Variants in MOK observed in about 807,000 individuals in gnomAD.
MOK encodes the protein MOK protein kinase.
A neutral mutation model predicts 54.2 loss-of-function variants in MOK; 59 were observed. That is an observed-to-expected ratio of 1.09 (90% CI 0.88 to 1.35). MOK has a LOEUF of 1.35. Among genes scored for constraint, MOK ranks in the 40% most tolerant of loss-of-function variants. The pLI, the probability that MOK is intolerant of heterozygous loss-of-function variation, is 0.00. For synonymous variants in MOK, 210 were observed against 202.7 expected, an observed-to-expected ratio of 1.04 and a Z score of -0.31; for missense variants, 517 against 526.2, an observed-to-expected ratio of 0.98 and a Z score of 0.17.
At chr14:102,288,572 G>C (rs1013261067) in intron 1 of MOK, among the ~76,000 whole-genome samples, 2 of 152,142 alleles carry the variant, frequency 1.3e-5, no homozygotes, top group Non-Finnish European at 2.9e-5. Context: ...ATTTCTTTTG[G>C]GGTACAGGTT....
At position 102,283,471 on chromosome 14, in the gene MOK, A is replaced by G. The variant is rs775102705; in HGVS notation, c.122+7T>C. On this transcript the variant is annotated splice_region_variant and intron_variant, in intron 2 of 11. Transcript: ENST00000361847. The stretch of plus-strand genomic sequence containing the variant: ...TGTTTGGTCCCAAGTGCATCTCTGT[A>G]GCCTACCTTTCAAAGCGCTGCTTCA... The G allele has an allele frequency of 6.9e-6, 11 of 1,598,768 alleles. No homozygotes were observed. The highest frequency in any genetic ancestry group is 1.1e-5 in the South Asian group (1 of 89,544).
chr14:102,300,895 T>G (rs1433384038), intron 1 of MOK, among the ~76,000 whole-genome samples: 1 of 151,776 alleles, frequency 6.6e-6, no homozygotes, highest in Non-Finnish European at 1.5e-5. Context: ...TCAGGAGTTC[T>G]TGACCAGCCT....
chr14:102,277,013 CTTTTTTT>C (rs550427492), intron 2 of MOK, among the ~76,000 whole-genome samples: 1 of 99,958 alleles, frequency 1.0e-5, no homozygotes, highest in South Asian at 3.3e-4. Context: ...ATGCCCTGGT[CTTTTTTT>C]TTTTTTTTTT....
intron 2 of MOK, among the ~76,000 whole-genome samples, chr14:102,273,933 T>G (rs985161372): frequency 1.3e-5 from 2 of 152,070 alleles, no homozygotes; most frequent in Non-Finnish European, 2.9e-5. Context: ...TACAATCCTA[T>G]TCATAATCTC....
At chr14:102,294,445 CAAAAAA>C (rs540805039) in intron 1 of MOK, among the ~76,000 whole-genome samples, 3 of 64,054 alleles carry the variant, frequency 4.7e-5, no homozygotes, top group Admixed American at 3.8e-4. Context: ...GACTCCGTCT[CAAAAAA>C]AAAAAAAAAA....
Position 102,240,863 on chromosome 14 carries a change from T to C in MOK, c.591-7074A>G, listed in dbSNP as rs1189090136. ...TTCTCTGGGCTTGCCTGCTTCACTA[T>C]GGGCAACCTTCCACCCTCCATTCCC... On this transcript the variant is annotated intron_variant, in intron 7 of 11. Transcript: ENST00000361847. This position sits in a 1 kb window ranked among gnomAD's most constrained non-coding sequence, Gnocchi z 5.4. 6.6e-6 allele frequency among the ~76,000 whole-genome samples: 1 copy of C among 152,186 alleles called. No individual in the cohort carries two copies. Among genetic ancestry groups the C allele is most frequent in the African/African-American group, 2.4e-5 (1 of 41,446 alleles).
chr14:102,260,817 T>C (rs897038721), intron 4 of MOK: 1 of 152,092 alleles, frequency 6.6e-6, no homozygotes, highest in African/African-American at 2.4e-5. Flanking sequence ...TATAAATGTA[T>C]CCTAAAAATA....
chr14:102,285,461 C>T (rs997300452), intron 1 of MOK, among the ~76,000 whole-genome samples: 4 of 152,164 alleles, frequency 2.6e-5, no homozygotes, highest in Non-Finnish European at 5.9e-5. Context: ...TGTCTGAATT[C>T]TGATTTGAAC....
chr14:102,226,001 G>A (rs559910293), downstream of MOK: 38 of 386,632 alleles, frequency 9.8e-5, no homozygotes, highest in Non-Finnish European at 1.5e-4. The surrounding 1 kb of genome is among the most constrained non-coding windows in gnomAD (Gnocchi z 4.8). Flanking sequence ...GGCCGTGCCA[G>A]GGGTGGGTCT....
intron 2 of MOK, among the ~76,000 whole-genome samples, chr14:102,280,137 C>A (rs1025214654): frequency 1.3e-5 from 2 of 151,904 alleles, no homozygotes; most frequent in Non-Finnish European, 2.9e-5. Flanking sequence ...TGGTGAGGTA[C>A]ATCCTGGATC....
chr14:102,216,294 C>A, the MOK span, among the ~76,000 whole-genome samples: 1 of 152,208 alleles, frequency 6.6e-6, no homozygotes, highest in Non-Finnish European at 1.5e-5. Context: ...GGGCTCTGTT[C>A]TTAGCACTGA....
At chr14:102,304,681 C>T (rs996498606) in intron 1 of MOK, among the ~76,000 whole-genome samples, 23 of 152,232 alleles carry the variant, frequency 1.5e-4, no homozygotes, top group Non-Finnish European at 3.4e-4. Flanking sequence ...GAACCACGCA[C>T]CTGCACCAAA....
chr14:102,304,999 G>A lies in MOK; in HGVS notation c.-31C>T. 1 of 1,607,152 alleles carries A rather than the reference G, an allele frequency of 6.2e-7. No homozygotes were observed. The highest frequency in any genetic ancestry group is 2.2e-5 in the East Asian group (1 of 44,644). On this transcript the variant is annotated 5_prime_UTR_variant, in exon 1 of 12. Coordinates refer to ENST00000361847, the MANE Select transcript of MOK (RefSeq NM_014226.3). ...ATGCGGAAGCCGGTGACAACCCCTT[G>A]CCGACACTGGACGGAAAAGAAAGAA...
Position 102,261,458 on chromosome 14 carries a change from T to A in MOK, c.283+2088A>T, listed in dbSNP as rs1597417447. The stretch of plus-strand genomic sequence containing the variant: ...ATATATATATATATATATATATATA[T>A]TCTAAACAAAGCTTTCTCAAGCGTC... On this transcript the variant is annotated intron_variant, in intron 4 of 11. Transcript: ENST00000361847. Among the ~76,000 whole-genome samples the A allele has an allele frequency of 2.1e-4, 21 of 101,204 alleles. 1 individual carries two copies. In the East Asian group the frequency reaches 2.1e-3, roughly 10 times the overall value. The allele number at this position is 101,204 out of a possible 152,430, so 66.4% of individuals were successfully genotyped here.
At chr14:102,224,705 T>G, downstream of MOK, 1 of 455,984 alleles carries the variant, frequency 2.2e-6, no homozygotes, top group South Asian at 1.5e-5. Flanking sequence ...GGAGGAGACA[T>G]TAGTTACAGC....
chr14:102,290,238 A>C (rs2070615311), intron 1 of MOK, among the ~76,000 whole-genome samples: 1 of 151,894 alleles, frequency 6.6e-6, no homozygotes. Flanking sequence ...TCGGGAGTTC[A>C]AGACCAGCCT....
chr14:102,247,211 C>T (rs1473625720), intron 7 of MOK, among the ~76,000 whole-genome samples: 1 of 152,190 alleles, frequency 6.6e-6, no homozygotes, highest in African/African-American at 2.4e-5. Context: ...AAAGCAAACA[C>T]CCTTTACAAC....
At position 102,245,136 on chromosome 14, in the gene MOK, T is replaced by TA. The variant is rs984209913; in HGVS notation, c.590+5675dup. On this transcript the variant is annotated intron_variant, in intron 7 of 11. Transcript: ENST00000361847. This position sits in a 1 kb window ranked among gnomAD's most constrained non-coding sequence, Gnocchi z 4.3. ...TGTCTTCCGTTTAGCTCTCAATTCA[T>TA]AAAAAAACACATCCAGGCCATCACC... Among the ~76,000 whole-genome samples the TA allele has an allele frequency of 2.0e-5, 3 of 151,940 alleles. No individual in the cohort carries two copies. Among genetic ancestry groups the TA allele is most frequent in the South Asian group, 2.1e-4 (1 of 4,816 alleles).
intron 2 of MOK, among the ~76,000 whole-genome samples, chr14:102,272,114 T>TCC (rs1426990162): frequency 6.6e-6 from 1 of 151,816 alleles, no homozygotes; most frequent in Non-Finnish European, 1.5e-5. Flanking sequence ...TAAGCCATCC[T>TCC]CCCACCTCAG....
Sources: gnomAD v4.1 joint callset for allele counts (sites outside exome capture counted in the v4.1 genomes callset) on GRCh38, gnomAD v4.1.1 for gene constraint, Gnocchi (gnomAD v3.1) non-coding constraint, MANE v1.5 for transcripts, NCBI Gene and HGNC (gene_info 2026-07-23, HGNC 2026-07-21) for gene names.